ARHGEF3: variants seen among roughly 807,000 people sequenced by gnomAD.
ARHGEF3 encodes Rho guanine nucleotide exchange factor 3.
Under a neutral mutation model 63.2 loss-of-function variants are expected in ARHGEF3, and 28 were observed. That is an observed-to-expected ratio of 0.44 (90% CI 0.33 to 0.61). ARHGEF3 has a LOEUF of 0.61. Among genes scored for constraint, ARHGEF3 ranks in the 20% least tolerant of loss-of-function variants. ARHGEF3 has a pLI of 0.03. For missense variants in ARHGEF3, 533 were observed against 659.3 expected, an observed-to-expected ratio of 0.81 and a Z score of 2.10; for synonymous variants, 266 against 254.2, an observed-to-expected ratio of 1.05 and a Z score of -0.44.
intron 2 of ARHGEF3, among the ~76,000 whole-genome samples, chr3:56,967,811 A>G (rs1308391467): frequency 1.4e-5 from 1 of 70,026 alleles, no homozygotes; most frequent in East Asian, 5.2e-4. Flanking sequence ...TATATAATAT[A>G]TATTATATAA....
intron 4 of ARHGEF3, among the ~76,000 whole-genome samples, chr3:56,875,236 T>C (rs925959003): frequency 2.0e-5 from 3 of 152,216 alleles, no homozygotes; most frequent in African/African-American, 7.2e-5. Flanking sequence ...CTCTTGTTGC[T>C]ATGTATCTAA....
intron 3 of ARHGEF3, among the ~76,000 whole-genome samples, chr3:56,932,702 A>C (rs58104871): frequency 0.056 from 8,496 of 152,306 alleles, 485 homozygotes; most frequent in African/African-American, 0.14. Context: ...GGTTCGTGAC[A>C]TAAATAAACA....
chr3:56,747,076 G>C (rs1302863604), intron 6 of ARHGEF3, among the ~76,000 whole-genome samples: 6 of 118,790 alleles, frequency 5.1e-5, no homozygotes, highest in African/African-American at 1.2e-4. Context: ...GAGAGAGAGA[G>C]AGAGAGAGAG....
At chr3:56,753,617 C>A in intron 3 of ARHGEF3, 51 bp from the exon 4 acceptor site, 1 of 1,547,434 alleles carries the variant, frequency 6.5e-7, no homozygotes, top group Non-Finnish European at 8.9e-7. Flanking sequence ...ATTTACAAGA[C>A]CATATTCAAA....
chr3:56,946,818 A>G (rs2106643580), intron 3 of ARHGEF3, among the ~76,000 whole-genome samples: 1 of 152,306 alleles, frequency 6.6e-6, no homozygotes, highest in East Asian at 1.9e-4. Flanking sequence ...TCCAAGACAC[A>G]TAATTGTAAG....
intron 2 of ARHGEF3, among the ~76,000 whole-genome samples, chr3:56,997,392 A>G (rs1362341941): frequency 6.6e-6 from 1 of 152,120 alleles, no homozygotes; most frequent in Non-Finnish European, 1.5e-5. Context: ...AGTCGGGCCC[A>G]GGGATCAGGT....
At chr3:56,947,799 C>T (rs997685625) in intron 3 of ARHGEF3, among the ~76,000 whole-genome samples, 2 of 152,200 alleles carry the variant, frequency 1.3e-5, no homozygotes, top group African/African-American at 4.8e-5. Flanking sequence ...CTACAGAACT[C>T]TCCACCCCAA....
At chr3:56,826,062 TA>T (rs1235450223) in intron 4 of ARHGEF3, among the ~76,000 whole-genome samples, 6 of 152,118 alleles carry the variant, frequency 3.9e-5, no homozygotes, top group African/African-American at 7.2e-5. Context: ...ACCCTTAAGT[TA>T]GAAGGGGGTA....
At position 56,965,583 on chromosome 3, in the gene ARHGEF3, T is replaced by C. The variant is rs371063399; in HGVS notation, c.63-6694A>G. Among the ~76,000 whole-genome samples, 15 of 151,108 alleles carry C rather than the reference T, an allele frequency of 9.9e-5. No homozygotes were observed. In the East Asian group the frequency reaches 2.5e-3, roughly 25 times the overall value. ...GGAGAATATAGCACATGTGAAGAAC[T>C]GGAAGAAGTATGACAACTTTAATGT... is the stretch of plus-strand genomic sequence containing the variant. On this transcript the variant is annotated intron_variant, in intron 2 of 12. Transcript: ENST00000338458.
At chr3:57,002,190 C>T (rs959931630) in intron 2 of ARHGEF3, among the ~76,000 whole-genome samples, 2 of 151,160 alleles carry the variant, frequency 1.3e-5, no homozygotes, top group East Asian at 1.9e-4. Context: ...GGATTACAGG[C>T]GTGAGCCACC....
At chr3:57,029,035 A>G in intron 2 of ARHGEF3, among the ~76,000 whole-genome samples, 1 of 149,676 alleles carries the variant, frequency 6.7e-6, no homozygotes, top group African/African-American at 2.4e-5. Flanking sequence ...ATAGGACCTG[A>G]GGTTGAGGGA....
chr3:57,070,679 C>A (rs1705835117), intron 1 of ARHGEF3, among the ~76,000 whole-genome samples: 1 of 152,074 alleles, frequency 6.6e-6, no homozygotes, highest in Non-Finnish European at 1.5e-5. Context: ...GAAGGTCAGG[C>A]TGGGCACAGT....
chr3:57,074,796 C>T (rs1270232307), intron 1 of ARHGEF3: 1 of 173,382 alleles, frequency 5.8e-6, no homozygotes, highest in Non-Finnish European at 1.4e-5. Context: ...ATTATAACTC[C>T]AGCAATGACC....
chr3:56,969,920 A>G (rs887247403), intron 2 of ARHGEF3, among the ~76,000 whole-genome samples: 2 of 152,192 alleles, frequency 1.3e-5, no homozygotes, highest in Non-Finnish European at 2.9e-5. Context: ...GAAAACATGC[A>G]AAGTGAAAGA....
At chr3:56,790,812 C>A (rs1032126889) in intron 1 of ARHGEF3, among the ~76,000 whole-genome samples, 1 of 152,206 alleles carries the variant, frequency 6.6e-6, no homozygotes, top group Non-Finnish European at 1.5e-5. Context: ...TCTCTTTCTG[C>A]CACTAGCTTG....
At chr3:56,913,409 C>T (rs1320367586) in intron 3 of ARHGEF3, among the ~76,000 whole-genome samples, 2 of 151,982 alleles carry the variant, frequency 1.3e-5, no homozygotes, top group African/African-American at 4.8e-5. Context: ...AAGAGATGCT[C>T]AACATCACTA....
chr3:56,941,667 CTTTAAAAAAT>C (rs1204148601), intron 3 of ARHGEF3, among the ~76,000 whole-genome samples: 1 of 152,198 alleles, frequency 6.6e-6, no homozygotes, highest in Admixed American at 6.5e-5. Context: ...TACACACTCT[CTTTAAAAAAT>C]TCAGACTTTA....
chr3:56,753,622 T>C, intron 3 of ARHGEF3, 56 bp from the exon 4 acceptor site: 1 of 1,507,882 alleles, frequency 6.6e-7, no homozygotes, highest in Non-Finnish European at 9.2e-7. Flanking sequence ...CAAGACCATA[T>C]TCAAATAGTG....
intron 1 of ARHGEF3, among the ~76,000 whole-genome samples, chr3:57,051,799 A>G (rs1481560399): frequency 6.6e-6 from 1 of 151,724 alleles, no homozygotes; most frequent in Admixed American, 6.6e-5. Context: ...CCCTGTCTCT[A>G]TTAAAAATAG....
Sources: gnomAD v4.1 joint callset for allele counts (sites outside exome capture counted in the v4.1 genomes callset) on GRCh38, gnomAD v4.1.1 for gene constraint, MANE v1.5 for transcripts, NCBI Gene and HGNC (gene_info 2026-07-23, HGNC 2026-07-21) for gene names.